The following GNG7 variants were observed in gnomAD, a reference collection of about 807,000 sequenced individuals.
GNG7 encodes the protein G protein subunit gamma 7.
GNG7 carries 1 observed loss-of-function variant against 4.0 expected under a neutral mutation model. The ratio of observed to expected loss-of-function variants is 0.25; its 90% CI spans 0.09 to 1.18. The LOEUF (loss-of-function observed/expected upper bound fraction) is 1.18, where lower values mean the gene tolerates loss of function less well. Ranked by LOEUF, GNG7 falls within the 50% of genes most tolerant of loss-of-function variation. The pLI is 0.50. For missense variants in GNG7, 86 were observed against 91.9 expected (o/e 0.94, Z 0.26); for synonymous variants, 34 against 36.9 (o/e 0.92, Z 0.29).
intron 3 of GNG7, among the ~76,000 whole-genome samples, chr19:2,524,202 A>C (rs1978326791): frequency 6.6e-6 from 1 of 152,032 alleles, no homozygotes. Context: ...CACCGCCCGC[A>C]ATTTCCATGT....
At chr19:2,689,129 G>A (rs760237362) in intron 1 of GNG7, among the ~76,000 whole-genome samples, 26 of 149,830 alleles carry the variant, frequency 1.7e-4, no homozygotes, top group Middle Eastern at 3.2e-3. Flanking sequence ...AATTATGTTT[G>A]CCCCAACATA....
At chr19:2,553,699 A>G (rs982921568) in intron 3 of GNG7, among the ~76,000 whole-genome samples, 6 of 145,336 alleles carry the variant, frequency 4.1e-5, no homozygotes, top group South Asian at 2.1e-4. Context: ...ACACATGTGC[A>G]CATTACATAT....
intron 2 of GNG7, among the ~76,000 whole-genome samples, chr19:2,604,410 G>A (rs899930193): frequency 6.6e-6 from 1 of 150,376 alleles, no homozygotes; most frequent in Non-Finnish European, 1.5e-5. Context: ...AGTCGAGGCT[G>A]CAGTGAGCTA....
Position 2,644,382 on chromosome 19 carries a change from A to ATATATATAG in GNG7, c.-78+1841_-78+1842insCTATATATA, listed in dbSNP as rs1568272569. ...ATATATATATATATATATATATATA[A>ATATATATAG]TGCTCTATCTATACATGCATCATGT... is the stretch of plus-strand genomic sequence containing the variant. On this transcript the variant is annotated intron_variant, in intron 2 of 4. Transcript: ENST00000382159. Among the ~76,000 whole-genome samples, 51 of 109,174 alleles carry ATATATATAG rather than the reference A, an allele frequency of 4.7e-4. 6 individuals carry two copies. The highest frequency in any genetic ancestry group is 7.5e-4 in the African/African-American group (18 of 23,850). 71.6% of individuals were successfully genotyped at this position (109,174 alleles called of 152,430 possible).
chr19:2,594,110 C>T (rs970343567), intron 2 of GNG7, among the ~76,000 whole-genome samples: 1 of 152,086 alleles, frequency 6.6e-6, no homozygotes, highest in Non-Finnish European at 1.5e-5. Flanking sequence ...GTGGCTCACG[C>T]CTGTAATCCC....
At chr19:2,553,686 TAC>T (rs1412381392) in intron 3 of GNG7, among the ~76,000 whole-genome samples, 2 of 123,436 alleles carry the variant, frequency 1.6e-5, no homozygotes, top group East Asian at 2.4e-4. Context: ...TATGTTATAT[TAC>T]ACACATGTGC....
At chr19:2,523,032 A>G in intron 3 of GNG7, among the ~76,000 whole-genome samples, 1 of 151,120 alleles carries the variant, frequency 6.6e-6, no homozygotes, top group African/African-American at 2.4e-5. Flanking sequence ...ATGCCTGGCT[A>G]ATCTTTGTAT....
At position 2,657,362 on chromosome 19, in the gene GNG7, ATATATATATATATATAT is replaced by A. The variant is rs1317757948; in HGVS notation, c.-134-11099_-134-11083del. On this transcript the variant is annotated intron_variant, in intron 1 of 4. Transcript: ENST00000382159. The stretch of plus-strand genomic sequence containing the variant: ...TAAAAAAAAAAAAAAAAAAAAAAAA[ATATATATATATATATAT>A]ATATATATATATATATATATACACA... Among the ~76,000 whole-genome samples, 59 of 10,764 alleles carry A rather than the reference ATATATATATATATATAT, an allele frequency of 5.5e-3. 6 individuals carry two copies. The highest frequency in any genetic ancestry group is 7.7e-3 in the Non-Finnish European group (50 of 6,478). 7.1% of individuals were successfully genotyped at this position (10,764 alleles called of 152,430 possible). A position where few individuals can be genotyped will look rare whatever the true frequency, so the allele number is the denominator to read the frequency against.
Position 2,513,119 on chromosome 19 carries a change from C to T in GNG7, c.*1903G>A, listed in dbSNP as rs1465694232. 2 of 985,428 alleles carry T rather than the reference C, an allele frequency of 2.0e-6. No homozygotes were observed. Among genetic ancestry groups the T allele is most frequent in the East Asian group, 1.1e-4 (1 of 8,802 alleles). 61.0% of individuals were successfully genotyped at this position (985,428 alleles called of 1,614,324 possible). ...GCCCGAGGTTGAGGAGTGGAGGTCACTCCCCCGACACCTGCACACACACCC... is the reference window on the plus strand; with the variant it reads ...GCCCGAGGTTGAGGAGTGGAGGTCATTCCCCCGACACCTGCACACACACCC... On this transcript the variant is annotated 3_prime_UTR_variant, in exon 5 of 5. Transcript: ENST00000382159.
At chr19:2,699,658 G>A (rs1196852636) in intron 1 of GNG7, among the ~76,000 whole-genome samples, 1 of 152,206 alleles carries the variant, frequency 6.6e-6, no homozygotes, top group African/African-American at 2.4e-5. Context: ...TGTCCCTACA[G>A]GACGCTGGGT....
chr19:2,536,702 C>T (rs1046984034), intron 3 of GNG7, among the ~76,000 whole-genome samples: 1 of 152,076 alleles, frequency 6.6e-6, no homozygotes, highest in Admixed American at 6.5e-5. Context: ...GTTCTGAGCA[C>T]GTCCCCTGGA....
intron 3 of GNG7, among the ~76,000 whole-genome samples, chr19:2,553,125 CAA>C (rs36098274): frequency 1.6e-4 from 18 of 112,362 alleles, no homozygotes; most frequent in Admixed American, 2.8e-4. Flanking sequence ...AAAGCAAAAC[CAA>C]AAAAAAAAAA....
chr19:2,648,659 A>T (rs903312854), intron 1 of GNG7, among the ~76,000 whole-genome samples: 1 of 152,166 alleles, frequency 6.6e-6, no homozygotes, highest in Non-Finnish European at 1.5e-5. Context: ...TGCCACAGGA[A>T]TGCCCTGGCA....
In GNG7 at chr19:2,546,777, C is replaced by T. The variant is rs1234809726; in HGVS notation, c.-38+8372G>A. 6.6e-6 allele frequency among the ~76,000 whole-genome samples: 1 copy of T among 152,166 alleles called. No individual in the cohort carries two copies. Among genetic ancestry groups the T allele is most frequent in the East Asian group, 1.9e-4 (1 of 5,176 alleles). ...GGAGCAGGAGAAAAGAAAAGCTGCT[C>T]TCTGTCCACCCGGCGGTGGGGTCGG... On this transcript the variant is annotated intron_variant, in intron 3 of 4. Transcript: ENST00000382159. This position sits in a 1 kb window ranked among gnomAD's most constrained non-coding sequence, Gnocchi z 6.3.
intron 2 of GNG7, among the ~76,000 whole-genome samples, chr19:2,616,204 T>G (rs1981719351): frequency 6.6e-6 from 1 of 151,650 alleles, no homozygotes; most frequent in Non-Finnish European, 1.5e-5. Context: ...AGCTCAGGAG[T>G]TCAAAACCAG....
intron 1 of GNG7, among the ~76,000 whole-genome samples, chr19:2,680,134 G>T (rs970695960): frequency 6.7e-6 from 1 of 148,266 alleles, no homozygotes; most frequent in Admixed American, 6.7e-5. Context: ...ATCATAGTAA[G>T]ACCTTGTCTC....
intron 3 of GNG7, among the ~76,000 whole-genome samples, chr19:2,531,095 C>T (rs747381960): frequency 3.3e-5 from 5 of 151,938 alleles, no homozygotes; most frequent in Admixed American, 6.6e-5. Flanking sequence ...GACCTGAGGT[C>T]GGGAGTTCAA....
chr19:2,702,118 C>G (rs1330725237), intron 1 of GNG7, among the ~76,000 whole-genome samples: 1 of 148,992 alleles, frequency 6.7e-6, no homozygotes, highest in Non-Finnish European at 1.5e-5. Context: ...CCCAGCTAAC[C>G]TCGACCTGCA....
At chr19:2,616,359 C>A (rs939501426) in intron 2 of GNG7, among the ~76,000 whole-genome samples, 1 of 152,108 alleles carries the variant, frequency 6.6e-6, no homozygotes, top group African/African-American at 2.4e-5. Context: ...ATTCTCCTGC[C>A]TCAGCCTCCC....
Sources: allele counts gnomAD v4.1 joint callset (sites outside exome capture counted in the v4.1 genomes callset), GRCh38; gene constraint gnomAD v4.1.1; non-coding constraint Gnocchi (gnomAD v3.1); transcripts MANE v1.5; gene names NCBI Gene and HGNC (gene_info 2026-07-23, HGNC 2026-07-21).